JPH3: variants seen among roughly 807,000 people sequenced by gnomAD.
The protein encoded by JPH3 is junctophilin-3.
A neutral mutation model predicts 59.6 loss-of-function variants in JPH3; 11 were observed. The ratio of observed to expected loss-of-function variants is 0.18; its 90% CI spans 0.12 to 0.31. JPH3 has a LOEUF of 0.31. Ranked by LOEUF, JPH3 falls within the 10% of genes least tolerant of loss-of-function variation. The pLI, the probability that JPH3 is intolerant of heterozygous loss-of-function variation, is 1.00. For synonymous variants in JPH3, 673 were observed against 483.6 expected, an observed-to-expected ratio of 1.39 and a Z score of -5.14; for missense variants, 1,202 against 1,105.7, an observed-to-expected ratio of 1.09 and a Z score of -1.24.
rs1456146098 is a variant in JPH3 at position 87,642,439 on chromosome 16, T to A, written c.383-1819T>A. 2.0e-5 allele frequency among the ~76,000 whole-genome samples: 3 copies of A among 152,236 alleles called. No homozygotes were observed. In the East Asian group the frequency reaches 5.8e-4, roughly 29 times the overall value. The stretch of plus-strand genomic sequence containing the variant: ...CATTTTTCAGGAGACAGAAGAGAGC[T>A]GAATTTTTATGTCAAATCTCTTGGT... On this transcript the variant is annotated intron_variant, in intron 1 of 4. Transcript: ENST00000284262.
intron 1 of JPH3, among the ~76,000 whole-genome samples, chr16:87,644,001 G>A (rs897749828): frequency 6.6e-6 from 1 of 152,194 alleles, no homozygotes; most frequent in Non-Finnish European, 1.5e-5. Context: ...AGTGGAGCAT[G>A]GTGGTGCACG....
rs371801938 is a variant in JPH3 at position 87,628,021 on chromosome 16, G to T, written c.383-16237G>T. ...GTGAGGGGATCATGGGTCTGGCAGG[G>T]GCAGGACTGGGAGGGACACCCTTAT... On this transcript the variant is annotated intron_variant, in intron 1 of 4. Coordinates refer to ENST00000284262, the MANE Select transcript of JPH3 (RefSeq NM_020655.4). 1.3e-4 allele frequency among the ~76,000 whole-genome samples: 20 copies of T among 152,356 alleles called. No homozygotes were observed. In the East Asian group the frequency reaches 2.5e-3, roughly 19 times the overall value.
intron 2 of JPH3, chr16:87,683,861 C>T (rs911606790): frequency 1.9e-5 from 7 of 373,016 alleles, no homozygotes; most frequent in Non-Finnish European, 1.5e-5. Flanking sequence ...CTGCCTTGGC[C>T]TCCCAAAGTG....
chr16:87,671,698 A>G (rs987589638), intron 2 of JPH3, among the ~76,000 whole-genome samples: 3 of 151,336 alleles, frequency 2.0e-5, no homozygotes, highest in Admixed American at 6.6e-5. Context: ...GGGGTCCCCC[A>G]CCCCTTGGTG....
At chr16:87,660,666 T>G (rs1597271712) in intron 2 of JPH3, among the ~76,000 whole-genome samples, 1 of 152,174 alleles carries the variant, frequency 6.6e-6, no homozygotes, top group African/African-American at 2.4e-5. Context: ...AGTGGACAGG[T>G]GAGTCTCTGC....
intron 2 of JPH3, among the ~76,000 whole-genome samples, chr16:87,681,431 G>A (rs1487706489): frequency 7.3e-6 from 1 of 136,854 alleles, no homozygotes; most frequent in East Asian, 2.2e-4. Context: ...TCAGGTGCGC[G>A]CGGTGGTGAC....
intron 1 of JPH3, among the ~76,000 whole-genome samples, chr16:87,612,579 A>G (rs1312849502): frequency 2.0e-5 from 3 of 152,208 alleles, no homozygotes; most frequent in Non-Finnish European, 2.9e-5. Flanking sequence ...GGGTCCATCC[A>G]AGACCACTGA....
At position 87,696,912 on chromosome 16, in the gene JPH3, C is replaced by G; in HGVS notation, c.*252C>G. ...GTGGCATGGCAGAAGGAGGCCAGCACGCAGCCCCTCCAGCTCCACGTGGAG... is the reference window on the plus strand; with the variant it reads ...GTGGCATGGCAGAAGGAGGCCAGCAGGCAGCCCCTCCAGCTCCACGTGGAG... On this transcript the variant is annotated 3_prime_UTR_variant, in exon 5 of 5. Transcript: ENST00000284262. 2 of 474,726 alleles carry G rather than the reference C, an allele frequency of 4.2e-6. No homozygotes were observed. Among genetic ancestry groups the G allele is most frequent in the East Asian group, 4.1e-5 (1 of 24,576 alleles). 29.4% of individuals were successfully genotyped at this position (474,726 alleles called of 1,614,324 possible).
chr16:87,641,078 C>T (rs1048248096), intron 1 of JPH3, among the ~76,000 whole-genome samples: 8 of 152,196 alleles, frequency 5.3e-5, no homozygotes, highest in Middle Eastern at 3.2e-3. Flanking sequence ...CGGGTGGTTC[C>T]GAGTCAGCTG....
At chr16:87,663,815 T>C (rs892933012) in intron 2 of JPH3, among the ~76,000 whole-genome samples, 5 of 152,208 alleles carry the variant, frequency 3.3e-5, no homozygotes, top group Admixed American at 6.5e-5. Context: ...CCCCTTGACA[T>C]GTGAAGCTGT....
At chr16:87,659,387 G>GAAAAAAAAAAA (rs751075403) in intron 2 of JPH3, among the ~76,000 whole-genome samples, 2 of 68,588 alleles carry the variant, frequency 2.9e-5, no homozygotes, top group Admixed American at 4.1e-4. Flanking sequence ...AAAAAAAAAA[G>GAAAAAAAAAAA]AAAAAAAAAA....
In JPH3 at chr16:87,696,727, C is replaced by A; in HGVS notation, c.*67C>A. 2 of 1,358,374 alleles carry A rather than the reference C, an allele frequency of 1.5e-6. No homozygotes were observed. The highest frequency in any genetic ancestry group is 2.1e-6 in the Non-Finnish European group (2 of 955,554). The allele number at this position is 1,358,374 out of a possible 1,614,324, so 84.1% of individuals were successfully genotyped here. A position where few individuals can be genotyped will look rare whatever the true frequency, so the allele number is the denominator to read the frequency against. Reference sequence around the variant, plus strand: ...AGGGACATTAAAATTAAAAGCAAAACCACAAGAAGGGAAAGACCGCAACTC... The same window carrying A: ...AGGGACATTAAAATTAAAAGCAAAAACACAAGAAGGGAAAGACCGCAACTC... On this transcript the variant is annotated 3_prime_UTR_variant, in exon 5 of 5. Coordinates refer to ENST00000284262, the MANE Select transcript of JPH3 (RefSeq NM_020655.4).
chr16:87,684,817 TC>T (rs2033377679), intron 3 of JPH3, among the ~76,000 whole-genome samples: 2 of 145,696 alleles, frequency 1.4e-5, no homozygotes. Context: ...AGGAACCTCG[TC>T]CTCCCTTCGA....
At chr16:87,634,465 C>G (rs1219478486) in intron 1 of JPH3, among the ~76,000 whole-genome samples, 2 of 152,216 alleles carry the variant, frequency 1.3e-5, no homozygotes, top group Non-Finnish European at 2.9e-5. Context: ...GGAGGCCTGG[C>G]CGCCTTCCCA....
intron 2 of JPH3, among the ~76,000 whole-genome samples, chr16:87,673,902 G>A (rs938939255): frequency 6.6e-6 from 1 of 151,526 alleles, no homozygotes; most frequent in African/African-American, 2.4e-5. Flanking sequence ...CTCCAGTCTG[G>A]GTGACACAGC....
intron 2 of JPH3, among the ~76,000 whole-genome samples, chr16:87,667,979 G>A (rs774222751): frequency 1.3e-4 from 20 of 151,978 alleles, no homozygotes; most frequent in Non-Finnish European, 2.8e-4. Context: ...AATCCTGAGC[G>A]CACACCGGCT....
At chr16:87,648,421 C>T (rs1028643544) in intron 2 of JPH3, among the ~76,000 whole-genome samples, 9 of 151,818 alleles carry the variant, frequency 5.9e-5, no homozygotes, top group African/African-American at 1.9e-4. Context: ...CTATCACAGT[C>T]GAGAGATGCG....
chr16:87,620,067 C>T (rs547271229), intron 1 of JPH3, among the ~76,000 whole-genome samples: 14 of 152,178 alleles, frequency 9.2e-5, no homozygotes, highest in African/African-American at 2.4e-4. Context: ...AAACAAGAGC[C>T]GGAGGTAAAC....
At chr16:87,683,269 A>G (rs987574498) in intron 2 of JPH3, among the ~76,000 whole-genome samples, 5 of 151,954 alleles carry the variant, frequency 3.3e-5, no homozygotes, top group Admixed American at 3.3e-4. Flanking sequence ...CTTTCTGTGC[A>G]CATGCTGATG....
Sources: gnomAD v4.1 joint callset for allele counts (sites outside exome capture counted in the v4.1 genomes callset) on GRCh38, gnomAD v4.1.1 for gene constraint, MANE v1.5 for transcripts, NCBI Gene and HGNC (gene_info 2026-07-23, HGNC 2026-07-21) for gene names.